The following RAB15 variants were observed in gnomAD, a reference collection of about 807,000 sequenced individuals.
RAB15 encodes ras-related protein Rab-15.
In RAB15, 13 loss-of-function variants were observed where a neutral mutation model predicts 31.8. The ratio of observed to expected loss-of-function variants is 0.41; its 90% CI spans 0.27 to 0.65. RAB15 has a LOEUF of 0.65. Ranked by LOEUF, RAB15 falls within the 30% of genes least tolerant of loss-of-function variation. The probability of loss-of-function intolerance (pLI) is 0.32; values close to 1 mark genes in which losing one functional copy is unlikely to be tolerated. For synonymous variants in RAB15, 100 were observed against 105.6 expected (o/e 0.95, Z 0.33); for missense variants, 220 against 277.3 (o/e 0.79, Z 1.47).
In RAB15 at chr14:64,970,891, G is replaced by A. The variant is rs1566851628; in HGVS notation, c.124+1062C>T. Among the ~76,000 whole-genome samples the A allele has an allele frequency of 6.6e-6, 1 of 152,146 alleles. No homozygotes were observed. Among genetic ancestry groups the A allele is most frequent in the Non-Finnish European group, 1.5e-5 (1 of 68,032 alleles). ...TCTCTCTCAGCAAGGAATGTGTGTTGGGGGGAGGGGGGATGGTGTGGACAT... is the reference window on the plus strand; with the variant it reads ...TCTCTCTCAGCAAGGAATGTGTGTTAGGGGGAGGGGGGATGGTGTGGACAT... On this transcript the variant is annotated intron_variant, in intron 1 of 6. Transcript: ENST00000533601. This position sits in a 1 kb window ranked among gnomAD's most constrained non-coding sequence, Gnocchi z 4.1.
chr14:64,949,444 G>T (rs1254400500), intron 5 of RAB15, among the ~76,000 whole-genome samples: 5 of 152,206 alleles, frequency 3.3e-5, no homozygotes, highest in Admixed American at 6.5e-5. Flanking sequence ...ATCTTGGCTG[G>T]GCACAGTGGC....
rs1014959568 is a variant in RAB15, at chr14:64,970,856, T to C, written c.124+1097A>G. Among the ~76,000 whole-genome samples, 2 of 152,174 alleles carry C rather than the reference T, an allele frequency of 1.3e-5. No individual in the cohort carries two copies. The highest frequency in any genetic ancestry group is 4.8e-5 in the African/African-American group (2 of 41,458). On this transcript the variant is annotated intron_variant, in intron 1 of 6. Coordinates refer to ENST00000533601, the MANE Select transcript of RAB15 (RefSeq NM_001308154.2). This position sits in a 1 kb window ranked among gnomAD's most constrained non-coding sequence, Gnocchi z 4.1. ...TCTGTTCCTCCTGGCTGTATCTATC[T>C]GCTCCTACTTCTCTCTCAGCAAGGA...
rs1174022621 is a variant in RAB15 at position 64,971,909 on chromosome 14, C to T, written c.124+44G>A. 6.5e-7 allele frequency: 1 copy of T among 1,527,992 alleles called. No homozygotes were observed. Among genetic ancestry groups the T allele is most frequent in the Non-Finnish European group, 8.8e-7 (1 of 1,135,034 alleles). 94.7% of individuals were successfully genotyped at this position (1,527,992 alleles called of 1,614,324 possible). A position where few individuals can be genotyped will look rare whatever the true frequency, so the allele number is the denominator to read the frequency against. On this transcript the variant is annotated intron_variant, in intron 1 of 6. Coordinates refer to ENST00000533601, the MANE Select transcript of RAB15 (RefSeq NM_001308154.2). This position sits in a 1 kb window ranked among gnomAD's most constrained non-coding sequence, Gnocchi z 4.1. ...GGGACGGGGGCGGCGGGGAAAGGGG[C>T]CGCGGGCGGGGAGGGAGGGGCGCCC...
intron 1 of RAB15, among the ~76,000 whole-genome samples, chr14:64,965,292 T>A (rs1354233188): frequency 6.6e-6 from 1 of 151,936 alleles, no homozygotes; most frequent in Non-Finnish European, 1.5e-5. Context: ...ACCCCATCTC[T>A]ACTAAAAACA....
At chr14:64,961,447 T>C (rs34852276) in intron 1 of RAB15, among the ~76,000 whole-genome samples, 55,043 of 152,102 alleles carry the variant, frequency 0.36, 10,343 homozygotes, top group East Asian at 0.64. Context: ...CTAAGGTCCA[T>C]GTTGCCTATT....
chr14:64,950,255 C>T lies in RAB15; in HGVS notation c.414+70G>A, dbSNP rs1322724070. 2.3e-6 allele frequency: 3 copies of T among 1,296,948 alleles called. No homozygotes were observed. The highest frequency in any genetic ancestry group is 3.4e-6 in the Non-Finnish European group (3 of 893,052). 80.3% of individuals were successfully genotyped at this position (1,296,948 alleles called of 1,614,324 possible). A position where few individuals can be genotyped will look rare whatever the true frequency, so the allele number is the denominator to read the frequency against. On this transcript the variant is annotated intron_variant, in intron 5 of 6. Transcript: ENST00000533601. The surrounding 1 kb of genome is among the most constrained non-coding windows in gnomAD (Gnocchi z 5.6). Reference sequence around the variant, plus strand: ...CACTGGGGAACACACCCCTAGGTCCCCACGCTCAGGACTGGCCCTGGAGGC... The same window carrying T: ...CACTGGGGAACACACCCCTAGGTCCTCACGCTCAGGACTGGCCCTGGAGGC...
intron 1 of RAB15, among the ~76,000 whole-genome samples, chr14:64,964,125 T>G (rs937412971): frequency 6.6e-6 from 1 of 151,970 alleles, no homozygotes; most frequent in Non-Finnish European, 1.5e-5. Context: ...AAAGCAAAAA[T>G]GAATGAGCAA....
chr14:64,969,546 G>A (rs1408775037), intron 1 of RAB15, among the ~76,000 whole-genome samples: 1 of 152,180 alleles, frequency 6.6e-6, no homozygotes, highest in Admixed American at 6.5e-5. Context: ...TCTATTCCAT[G>A]GAATCCAAAC....
intron 1 of RAB15, among the ~76,000 whole-genome samples, chr14:64,969,417 A>AGGTT (rs1307974111): frequency 3.9e-5 from 6 of 152,244 alleles, no homozygotes; most frequent in African/African-American, 1.2e-4. Flanking sequence ...TAATGCTGAA[A>AGGTT]AACACGCCCA....
chr14:64,959,848 CAAAAAA>C lies in RAB15; in HGVS notation c.125-7283_125-7278del, dbSNP rs34981340. Among the ~76,000 whole-genome samples the C allele has an allele frequency of 2.5e-3, 107 of 42,060 alleles. 1 individual carries two copies. The highest frequency in any genetic ancestry group is 9.3e-3 in the African/African-American group (94 of 10,070). The allele number at this position is 42,060 out of a possible 152,430, so 27.6% of individuals were successfully genotyped here. ...TGAGTGACAGAGCAGGACCCTGTCT[CAAAAAA>C]AAAAAAAAAAAAAAAAAAGCAATTC... On this transcript the variant is annotated intron_variant, in intron 1 of 6. Transcript: ENST00000533601.
In RAB15 at chr14:64,948,577, C is replaced by T; in HGVS notation, c.481-65G>A. The T allele has an allele frequency of 6.2e-7, 1 of 1,605,890 alleles. No homozygotes were observed. Among genetic ancestry groups the T allele is most frequent in the Non-Finnish European group, 8.5e-7 (1 of 1,175,090 alleles). On this transcript the variant is annotated intron_variant, in intron 6 of 6. Transcript: ENST00000533601. The surrounding 1 kb of genome is among the most constrained non-coding windows in gnomAD (Gnocchi z 7.0). ...CTCTCCCCTGGCAACCCTGCAGCGG[C>T]CTGAGGGATAAGGTCCATCTTATGG...
intron 1 of RAB15, among the ~76,000 whole-genome samples, chr14:64,966,940 C>A (rs529441191): frequency 9.2e-5 from 14 of 152,150 alleles, no homozygotes; most frequent in Non-Finnish European, 2.1e-4. Context: ...GTCTAGAAAC[C>A]TGCAAACCCC....
intron 1 of RAB15, among the ~76,000 whole-genome samples, chr14:64,961,912 C>T (rs1340335959): frequency 1.0e-4 from 12 of 115,584 alleles, no homozygotes; most frequent in Admixed American, 2.5e-4. Flanking sequence ...AAGACTCTGT[C>T]TTAAAAAAAA....
rs938078420 is a variant in RAB15, at chr14:64,946,435, T to A, written c.*1919A>T. On this transcript the variant is annotated 3_prime_UTR_variant, in exon 7 of 7. Coordinates refer to ENST00000533601, the MANE Select transcript of RAB15 (RefSeq NM_001308154.2). ...GGCATAGGTCTTGATACCCAAGGAG[T>A]CCCATCTTCAAGGAAGCAACTCCAG... 1 of 151,978 alleles carries A rather than the reference T, an allele frequency of 6.6e-6. No individual in the cohort carries two copies. The highest frequency in any genetic ancestry group is 2.4e-5 in the African/African-American group (1 of 41,340). The allele number at this position is 151,978 out of a possible 1,614,324, so 9.4% of individuals were successfully genotyped here.
chr14:64,952,001 C>T lies in RAB15; in HGVS notation c.186-338G>A, dbSNP rs1181977449. Among the ~76,000 whole-genome samples the T allele has an allele frequency of 6.6e-6, 1 of 152,116 alleles. No homozygotes were observed. Among genetic ancestry groups the T allele is most frequent in the East Asian group, 1.9e-4 (1 of 5,180 alleles). On this transcript the variant is annotated intron_variant, in intron 2 of 6. Coordinates refer to ENST00000533601, the MANE Select transcript of RAB15 (RefSeq NM_001308154.2). The surrounding 1 kb of genome is among the most constrained non-coding windows in gnomAD (Gnocchi z 4.2). ...GGGGATGCTGCTACACCCCTAGTCC[C>T]TATGGGACCTCTGAAGGCAGTGCCC...
At chr14:64,959,344 C>A (rs1886735967) in intron 1 of RAB15, among the ~76,000 whole-genome samples, 2 of 152,186 alleles carry the variant, frequency 1.3e-5, no homozygotes, top group Admixed American at 1.3e-4. Context: ...GAGCCAGATG[C>A]TTCAACAAGG....
chr14:64,960,188 C>T (rs1180887412), intron 1 of RAB15, among the ~76,000 whole-genome samples: 7 of 152,132 alleles, frequency 4.6e-5, no homozygotes, highest in Non-Finnish European at 7.4e-5. Context: ...CTCTGGGCAC[C>T]GGGGGCAGGG....
In RAB15 at chr14:64,955,912, TC is replaced by T. The variant is rs1428655676; in HGVS notation, c.125-3342del. On this transcript the variant is annotated intron_variant, in intron 1 of 6. Coordinates refer to ENST00000533601, the MANE Select transcript of RAB15 (RefSeq NM_001308154.2). This position sits in a 1 kb window ranked among gnomAD's most constrained non-coding sequence, Gnocchi z 4.4. ...CCTCTAAGGTCATATTTCTCAAACTTCCAGGTGCATGAGAATCACGCGGGGA... is the reference window on the plus strand; with the variant it reads ...CCTCTAAGGTCATATTTCTCAAACTTCAGGTGCATGAGAATCACGCGGGGA... 6.6e-6 allele frequency among the ~76,000 whole-genome samples: 1 copy of T among 152,312 alleles called. No individual in the cohort carries two copies. Among genetic ancestry groups the T allele is most frequent in the African/African-American group, 2.4e-5 (1 of 41,564 alleles).
At position 64,954,593 on chromosome 14, in the gene RAB15, G is replaced by A; in HGVS notation, c.125-2022C>T. ...CTATGTGCCCTGCACAGTGCTCAGT[G>A]CAGACAGAGCAGTGAAAAAGACATG... On this transcript the variant is annotated intron_variant, in intron 1 of 6. Coordinates refer to ENST00000533601, the MANE Select transcript of RAB15 (RefSeq NM_001308154.2). The surrounding 1 kb of genome is among the most constrained non-coding windows in gnomAD (Gnocchi z 4.3). The A allele has an allele frequency of 2.3e-6, 2 of 887,808 alleles. No individual in the cohort carries two copies. Among genetic ancestry groups the A allele is most frequent in the East Asian group, 1.2e-4 (1 of 8,368 alleles). The allele number at this position is 887,808 out of a possible 1,614,324, so 55.0% of individuals were successfully genotyped here.
Sources: allele counts gnomAD v4.1 joint callset (sites outside exome capture counted in the v4.1 genomes callset), GRCh38; gene constraint gnomAD v4.1.1; non-coding constraint Gnocchi (gnomAD v3.1); transcripts MANE v1.5; gene names NCBI Gene and HGNC (gene_info 2026-07-23, HGNC 2026-07-21).